MAPK14: variants seen among roughly 807,000 people sequenced by gnomAD.
MAPK14 encodes mitogen-activated protein kinase 14, also known as CSAID-binding protein.
In MAPK14, 16 loss-of-function variants were observed where a neutral mutation model predicts 49.6. The observed-to-expected ratio is 0.32, with a 90% CI of 0.22 to 0.49. The LOEUF is 0.49. Ranked by LOEUF, MAPK14 falls within the 20% of genes least tolerant of loss-of-function variation. The probability of loss-of-function intolerance (pLI) is 0.99; values close to 1 mark genes in which losing one functional copy is unlikely to be tolerated. For missense variants in MAPK14, 200 were observed against 441.2 expected (o/e 0.45, Z 4.90); for synonymous variants, 142 against 158.0 (o/e 0.90, Z 0.76).
At chr6:36,067,183 A>G (rs1292593187) in intron 3 of MAPK14, among the ~76,000 whole-genome samples, 2 of 152,148 alleles carry the variant, frequency 1.3e-5, no homozygotes, top group Admixed American at 6.5e-5. Context: ...GACATGATCA[A>G]TAAGATGCCA....
At chr6:36,079,873 G>A (rs1764680975) in intron 8 of MAPK14, among the ~76,000 whole-genome samples, 1 of 152,104 alleles carries the variant, frequency 6.6e-6, no homozygotes, top group Non-Finnish European at 1.5e-5. Context: ...AAAAAGAAAT[G>A]TAGCTAGTTT....
chr6:36,074,208 C>T (rs1050981118), intron 6 of MAPK14, 112 bp downstream of exon 6: 38 of 670,816 alleles, frequency 5.7e-5, no homozygotes, highest in Non-Finnish European at 8.2e-5. Flanking sequence ...ATCTGAAATT[C>T]GTATTATTTT....
At chr6:36,114,385 G>A (rs1007267800), downstream of MAPK14, among the ~76,000 whole-genome samples, 8 of 152,202 alleles carry the variant, frequency 5.3e-5, no homozygotes, top group African/African-American at 1.2e-4. Context: ...GGGAGGCCGA[G>A]GTGGGCGGAT....
At chr6:36,094,417 C>A (rs554112971) in intron 8 of MAPK14, among the ~76,000 whole-genome samples, 18 of 152,278 alleles carry the variant, frequency 1.2e-4, no homozygotes, top group Admixed American at 1.0e-3. Context: ...ATGGGCATGG[C>A]TGTGTTCTAA....
At chr6:36,043,061 C>G (rs1304119394) in intron 1 of MAPK14, among the ~76,000 whole-genome samples, 2 of 151,748 alleles carry the variant, frequency 1.3e-5, no homozygotes, top group Non-Finnish European at 2.9e-5. Flanking sequence ...GAAGTCAAAG[C>G]TGCATTGAGC....
At chr6:36,030,319 T>C in intron 1 of MAPK14, among the ~76,000 whole-genome samples, 1 of 152,220 alleles carries the variant, frequency 6.6e-6, no homozygotes, top group East Asian at 1.9e-4. Flanking sequence ...TATCTGACAC[T>C]TAAAAGTACT....
Position 36,109,930 on chromosome 6 carries a change from G to T in MAPK14, c.*1483G>T, listed in dbSNP as rs1031630963. The T allele has an allele frequency of 6.6e-6, 1 of 152,620 alleles. No individual in the cohort carries two copies. Among genetic ancestry groups the T allele is most frequent in the Non-Finnish European group, 1.5e-5 (1 of 68,034 alleles). 9.5% of individuals were successfully genotyped at this position (152,620 alleles called of 1,614,324 possible). A position where few individuals can be genotyped will look rare whatever the true frequency, so the allele number is the denominator to read the frequency against. ...TAACATTGACTTCTTGGTTTGGGGAGAAATAAATTTTGTTTCAGAATTTTG... is the reference window on the plus strand; with the variant it reads ...TAACATTGACTTCTTGGTTTGGGGATAAATAAATTTTGTTTCAGAATTTTG... On this transcript the variant is annotated 3_prime_UTR_variant, in exon 12 of 12. Transcript: ENST00000229794.
the MAPK14 span, among the ~76,000 whole-genome samples, chr6:36,122,794 T>C: frequency 6.6e-6 from 1 of 152,184 alleles, no homozygotes; most frequent in South Asian, 2.1e-4. Flanking sequence ...TCCCTGGCTA[T>C]GCAAGTGACA....
intron 8 of MAPK14, among the ~76,000 whole-genome samples, chr6:36,086,044 C>A (rs571573330): frequency 8.5e-4 from 130 of 152,260 alleles, no homozygotes; most frequent in Non-Finnish European, 1.6e-3. Flanking sequence ...GGACAACCTG[C>A]TCCTGAATGA....
At chr6:36,066,067 C>G (rs1405410715) in intron 3 of MAPK14, among the ~76,000 whole-genome samples, 4 of 150,882 alleles carry the variant, frequency 2.7e-5, no homozygotes, top group Admixed American at 2.6e-4. Flanking sequence ...TATAAAAACT[C>G]TTTTTTTTTC....
chr6:36,057,353 T>C (rs1763627599), intron 2 of MAPK14, among the ~76,000 whole-genome samples: 1 of 152,212 alleles, frequency 6.6e-6, no homozygotes, highest in South Asian at 2.1e-4. Context: ...GAAATATATC[T>C]CAAAATGTTA....
rs145276051 is a variant in MAPK14 at position 36,052,882 on chromosome 6, A to G, written c.246+54A>G. 339 of 1,520,532 alleles carry G rather than the reference A, an allele frequency of 2.2e-4. 1 individual carries two copies. The East Asian group carries it at 6.6e-3, about 29-fold the overall frequency. The allele number at this position is 1,520,532 out of a possible 1,614,324, so 94.2% of individuals were successfully genotyped here. Reference sequence around the variant, plus strand: ...TTTTGATCTTGAATAGACTGGGGAAAAATGTTTTAATTACTGCAGATGGAA... The same window carrying G: ...TTTTGATCTTGAATAGACTGGGGAAGAATGTTTTAATTACTGCAGATGGAA... On this transcript the variant is annotated intron_variant, in intron 2 of 11. Coordinates refer to ENST00000229794, the MANE Select transcript of MAPK14 (RefSeq NM_139012.3).
chr6:36,047,291 T>G (rs1763216670), intron 1 of MAPK14, among the ~76,000 whole-genome samples: 1 of 152,032 alleles, frequency 6.6e-6, no homozygotes, highest in South Asian at 2.1e-4. Flanking sequence ...GATTTAGCTA[T>G]GGGGTGGGAT....
intron 8 of MAPK14, among the ~76,000 whole-genome samples, chr6:36,090,164 CATGTTTTGAAAT>C (rs894885404): frequency 1.6e-4 from 25 of 152,062 alleles, no homozygotes; most frequent in African/African-American, 5.5e-4. Context: ...CTTTTGCAAA[CATGTTTTGAAAT>C]ATTTCAGACA....
intron 6 of MAPK14, among the ~76,000 whole-genome samples, chr6:36,075,000 G>A (rs917714869): frequency 6.6e-6 from 1 of 151,798 alleles, no homozygotes; most frequent in African/African-American, 2.4e-5. Flanking sequence ...GCCAAGGCGG[G>A]TGGATTATGA....
In MAPK14 at chr6:36,108,413, C is replaced by A. The variant is rs1369642877; in HGVS notation, c.1049C>A (p.Pro350Gln). Residue 350 changes from proline to glutamine, a missense_variant, in exon 12 of 12, where the codon CCA becomes CAA. Transcript: ENST00000229794. ...TATGATGAAGTCATCAGCTTTGTGC[C>A]ACCACCCCTTGACCAAGAAGAGATG... ...LTYDEVISFV[P>Q]PPLDQEEMES 3 of 1,613,922 alleles carry A rather than the reference C, an allele frequency of 1.9e-6. No homozygotes were observed. In the African/African-American group the frequency reaches 4.0e-5, roughly 22 times the overall value.
chr6:36,115,808 G>A (rs1164712031), downstream of MAPK14, among the ~76,000 whole-genome samples: 2 of 151,660 alleles, frequency 1.3e-5, no homozygotes, highest in Non-Finnish European at 2.9e-5. Flanking sequence ...ACCCACCTGG[G>A]TCCCAGCTAC....
At chr6:36,066,440 A>G (rs1199184333) in intron 3 of MAPK14, among the ~76,000 whole-genome samples, 3 of 149,542 alleles carry the variant, frequency 2.0e-5, no homozygotes, top group Non-Finnish European at 4.4e-5. Context: ...AGAAATGCTT[A>G]CCTAAAATAA....
At chr6:36,029,047 A>C (rs775739941) in intron 1 of MAPK14, 1 of 152,188 alleles carries the variant, frequency 6.6e-6, no homozygotes, top group Non-Finnish European at 1.5e-5. Flanking sequence ...GATTAGTCAC[A>C]TACCACTGCT....
Sources: allele counts gnomAD v4.1 joint callset (sites outside exome capture counted in the v4.1 genomes callset), GRCh38; gene constraint gnomAD v4.1.1; transcripts MANE v1.5; gene names NCBI Gene and HGNC (gene_info 2026-07-23, HGNC 2026-07-21).